Variants in NTNG1 observed in about 807,000 individuals in gnomAD.
NTNG1 encodes the protein netrin G1, also known as netrin-G1.
In NTNG1, 16 loss-of-function variants were observed where a neutral mutation model predicts 54.0. The observed-to-expected ratio is 0.30, with a 90% CI of 0.20 to 0.45. The LOEUF (loss-of-function observed/expected upper bound fraction) is 0.45. Among genes scored for constraint, NTNG1 ranks in the 20% least tolerant of loss-of-function variants. NTNG1 has a pLI of 1.00. For missense variants in NTNG1, 530 were observed against 678.7 expected (o/e 0.78, Z 2.43); for synonymous variants, 255 against 263.1 (o/e 0.97, Z 0.30).
chr1:107,292,745 A>G (rs1041205871), intron 2 of NTNG1, among the ~76,000 whole-genome samples: 2 of 152,152 alleles, frequency 1.3e-5, no homozygotes, highest in Non-Finnish European at 2.9e-5. Flanking sequence ...CTAGCAGGCC[A>G]CTGTGCATAC....
chr1:107,378,922 T>G (rs1292099236), intron 3 of NTNG1, among the ~76,000 whole-genome samples: 1 of 152,242 alleles, frequency 6.6e-6, no homozygotes, highest in Non-Finnish European at 1.5e-5. Flanking sequence ...CAACCTTGTA[T>G]CTTACTCTTT....
intron 2 of NTNG1, among the ~76,000 whole-genome samples, chr1:107,253,736 CCTGACATTGAT>C (rs1662758948): frequency 6.6e-6 from 1 of 152,040 alleles, no homozygotes; most frequent in Non-Finnish European, 1.5e-5. Context: ...TTTGTTTTAC[CCTGACATTGAT>C]CTGTGTTGTT....
chr1:107,476,439 TA>T (rs1441744300), intron 7 of NTNG1, among the ~76,000 whole-genome samples: 3 of 152,204 alleles, frequency 2.0e-5, no homozygotes, highest in Admixed American at 6.5e-5. Context: ...TTCCAACTAA[TA>T]ACAAAACAGC....
intron 2 of NTNG1, among the ~76,000 whole-genome samples, chr1:107,217,112 T>TTAATCTGC (rs55666505): frequency 0.045 from 6,782 of 152,236 alleles, 149 homozygotes; most frequent in Non-Finnish European, 0.052. Context: ...AATTACTATT[T>TTAATCTGC]TAATCTGCTG....
intron 2 of NTNG1, among the ~76,000 whole-genome samples, chr1:107,246,113 G>A (rs929724033): frequency 1.3e-5 from 2 of 152,116 alleles, no homozygotes; most frequent in Non-Finnish European, 2.9e-5. Flanking sequence ...GTACAGTGGT[G>A]TGATCTCCGC....
chr1:107,480,841 G>A lies in NTNG1; in HGVS notation c.*1G>A. 1 of 1,554,910 alleles carries A rather than the reference G, an allele frequency of 6.4e-7. No individual in the cohort carries two copies. Among genetic ancestry groups the A allele is most frequent in the Non-Finnish European group, 8.7e-7 (1 of 1,149,672 alleles). ...AACCGCCAGCCCCCTGGTGTTCTAG[G>A]TGTCACCTCCAGCCACACCGGACGG... On this transcript the variant is annotated 3_prime_UTR_variant, in exon 8 of 8. Transcript: ENST00000370068.
chr1:107,308,212 C>G (rs1190238465), intron 2 of NTNG1, among the ~76,000 whole-genome samples: 1 of 152,136 alleles, frequency 6.6e-6, no homozygotes, highest in Non-Finnish European at 1.5e-5. Context: ...GCATATTCAT[C>G]ATGAAATCTT....
At chr1:107,241,487 T>C (rs1281539696) in intron 2 of NTNG1, among the ~76,000 whole-genome samples, 1 of 152,116 alleles carries the variant, frequency 6.6e-6, no homozygotes, top group Non-Finnish European at 1.5e-5. Flanking sequence ...TGTGATAGGA[T>C]ATTAGTAAAG....
intron 2 of NTNG1, among the ~76,000 whole-genome samples, chr1:107,320,804 C>T (rs1308924490): frequency 7.3e-5 from 11 of 151,616 alleles, no homozygotes; most frequent in Admixed American, 6.6e-5. Flanking sequence ...AATCACTAAT[C>T]TCCTAAAAGA....
chr1:107,301,271 G>A (rs548484628), intron 2 of NTNG1, among the ~76,000 whole-genome samples: 1 of 152,050 alleles, frequency 6.6e-6, no homozygotes, highest in Non-Finnish European at 1.5e-5. Context: ...AGTTGATACT[G>A]GTACTTACCA....
intron 2 of NTNG1, among the ~76,000 whole-genome samples, chr1:107,270,092 G>A (rs1272943730): frequency 6.6e-6 from 1 of 152,184 alleles, no homozygotes; most frequent in African/African-American, 2.4e-5. Context: ...TCCAAAGTTG[G>A]TGAAAACCAA....
At chr1:107,178,250 G>A (rs1256702015) in intron 2 of NTNG1, among the ~76,000 whole-genome samples, 1 of 152,102 alleles carries the variant, frequency 6.6e-6, no homozygotes, top group East Asian at 1.9e-4. Flanking sequence ...CATGATCCTT[G>A]CATCACATGG....
intron 2 of NTNG1, among the ~76,000 whole-genome samples, chr1:107,171,471 T>C (rs914697020): frequency 6.6e-6 from 1 of 152,124 alleles, no homozygotes; most frequent in African/African-American, 2.4e-5. Context: ...AGGACTTTTA[T>C]GACTTGAGAT....
intron 2 of NTNG1, among the ~76,000 whole-genome samples, chr1:107,180,860 T>C (rs1657009251): frequency 6.6e-6 from 1 of 152,222 alleles, no homozygotes; most frequent in Admixed American, 6.5e-5. Flanking sequence ...ATCGCCTAGA[T>C]AATAGTATCT....
chr1:107,422,079 G>A (rs1401926887), intron 5 of NTNG1, among the ~76,000 whole-genome samples: 1 of 152,072 alleles, frequency 6.6e-6, no homozygotes, highest in Non-Finnish European at 1.5e-5. Flanking sequence ...AACTGGTCAG[G>A]AAATGGGAAA....
At chr1:107,366,184 A>T (rs1670583158) in intron 3 of NTNG1, among the ~76,000 whole-genome samples, 1 of 152,192 alleles carries the variant, frequency 6.6e-6, no homozygotes, top group South Asian at 2.1e-4. Flanking sequence ...AAGGTAATTT[A>T]ATCTCCACAA....
chr1:107,268,486 A>T (rs112034509), intron 2 of NTNG1, among the ~76,000 whole-genome samples: 8,019 of 138,772 alleles, frequency 0.058, 753 homozygotes, highest in African/African-American at 0.21. Flanking sequence ...CTCTCATCAT[A>T]TTTTTTTTTT....
chr1:107,386,821 G>C (rs1672030475), intron 3 of NTNG1, among the ~76,000 whole-genome samples: 1 of 152,154 alleles, frequency 6.6e-6, no homozygotes, highest in South Asian at 2.1e-4. Context: ...TTGCAAAATG[G>C]CTGTACCACT....
intron 3 of NTNG1, among the ~76,000 whole-genome samples, chr1:107,388,844 G>T (rs545900570): frequency 2.0e-4 from 31 of 152,296 alleles, no homozygotes; most frequent in Admixed American, 1.8e-3. Flanking sequence ...AAAAGTCAAG[G>T]TGGCTGCAGA....
Sources: allele counts gnomAD v4.1 joint callset (sites outside exome capture counted in the v4.1 genomes callset), GRCh38; gene constraint gnomAD v4.1.1; transcripts MANE v1.5; gene names NCBI Gene and HGNC (gene_info 2026-07-23, HGNC 2026-07-21).